C16orf46: variants seen among roughly 807,000 people sequenced by gnomAD.
C16orf46 encodes the protein chromosome 16 open reading frame 46, also known as uncharacterized protein C16orf46.
In C16orf46, 7 loss-of-function variants were observed where a neutral mutation model predicts 5.5. The ratio of observed to expected loss-of-function variants is 1.28; its 90% CI spans 0.73 to 2.40. The LOEUF (loss-of-function observed/expected upper bound fraction) is 2.40. C16orf46 is among the 30% of genes most tolerant of loss of function. The pLI is 0.00. For synonymous variants in C16orf46, 200 were observed against 184.1 expected, an observed-to-expected ratio of 1.09 and a Z score of -0.70; for missense variants, 614 against 476.0, an observed-to-expected ratio of 1.29 and a Z score of -2.70.
chr16:81,062,492 T>C (rs1294941658), intron 3 of C16orf46, among the ~76,000 whole-genome samples: 6 of 152,246 alleles, frequency 3.9e-5, no homozygotes, highest in African/African-American at 1.4e-4. Context: ...GCTGACTATA[T>C]TTCTTTTCAA....
At chr16:81,055,031 A>C (rs1971255517) in intron 3 of C16orf46, among the ~76,000 whole-genome samples, 1 of 152,232 alleles carries the variant, frequency 6.6e-6, no homozygotes, top group Non-Finnish European at 1.5e-5. Flanking sequence ...TTCAGAGTTA[A>C]AGTTCTCTAA....
rs533517428 is a variant in C16orf46 at position 81,063,774 on chromosome 16, A to C, written c.182T>G (p.Phe61Cys). Residue 61 changes from phenylalanine to cysteine, a missense_variant, in exon 3 of 4, where the codon TTT becomes TGT. Phe to Cys is a radical substitution (Grantham distance 205). Transcript: ENST00000299578. ...CTCTTCCCATCCAGTTCCAATAATAAACTCTTTGGCTTTTTCATCTTGTTC... is the reference window on the plus strand; with the variant it reads ...CTCTTCCCATCCAGTTCCAATAATACACTCTTTGGCTTTTTCATCTTGTTC... ...TLEQDEKAKE[F>C]IIGTGWEEAV... The C allele has an allele frequency of 5.6e-6, 9 of 1,613,898 alleles. No individual in the cohort carries two copies. In the South Asian group the frequency reaches 7.7e-5, roughly 14 times the overall value.
Position 81,061,143 on chromosome 16 carries a change from G to A in C16orf46, c.*18C>T. ...CATCTCAAACGGTGCTTATTCCCAGGGGTTCTACCGCAACCGCTCAGAGGA... is the reference window on the plus strand; with the variant it reads ...CATCTCAAACGGTGCTTATTCCCAGAGGTTCTACCGCAACCGCTCAGAGGA... On this transcript the variant is annotated 3_prime_UTR_variant, in exon 4 of 4. Coordinates refer to ENST00000299578, the MANE Select transcript of C16orf46 (RefSeq NM_152337.3). The A allele has an allele frequency of 6.4e-7, 1 of 1,563,392 alleles. No individual in the cohort carries two copies.
exon 4 of C16orf46, chr16:81,053,955 ACT>A: frequency 2.7e-6 from 3 of 1,110,632 alleles, no homozygotes; most frequent in African/African-American, 1.6e-5. Context: ...GCAGCGTTTG[ACT>A]CTCTGCTTTC....
At chr16:81,060,888 C>T, downstream of C16orf46, 1 of 945,238 alleles carries the variant, frequency 1.1e-6, no homozygotes, top group Non-Finnish European at 1.4e-6. Flanking sequence ...CTGGGGCTGG[C>T]AAGACCAATT....
In C16orf46 at chr16:81,053,893, G is replaced by C. The variant is rs1214490165; in HGVS notation, c.*178C>G. On this transcript the variant is annotated 3_prime_UTR_variant, in exon 4 of 4. Transcript: ENST00000378611. ...AAAGAGCGAGCCGATGACCATGGCAGGTGTAAATAAGACCTTGCTCCAAAC... is the reference window on the plus strand; with the variant it reads ...AAAGAGCGAGCCGATGACCATGGCACGTGTAAATAAGACCTTGCTCCAAAC... The C allele has an allele frequency of 5.5e-5, 33 of 598,610 alleles. 1 individual carries two copies. The East Asian group carries it at 9.2e-4, about 17-fold the overall frequency. 37.1% of individuals were successfully genotyped at this position (598,610 alleles called of 1,614,324 possible).
At chr16:81,056,924 G>A (rs116294588), downstream of C16orf46, among the ~76,000 whole-genome samples, 1,135 of 152,222 alleles carry the variant, frequency 7.5e-3, 9 homozygotes, top group African/African-American at 0.026. Context: ...CAGCAAAGGC[G>A]GTGGGCTCCA....
At chr16:81,068,763 A>G (rs1228278916) in intron 1 of C16orf46, among the ~76,000 whole-genome samples, 1 of 152,026 alleles carries the variant, frequency 6.6e-6, no homozygotes, top group Non-Finnish European at 1.5e-5. Flanking sequence ...GTGCAGTGCC[A>G]TGATTCCAGC....
intron 2 of C16orf46, among the ~76,000 whole-genome samples, chr16:81,065,332 G>C (rs886734345): frequency 1.3e-5 from 2 of 152,046 alleles, no homozygotes; most frequent in African/African-American, 4.8e-5. Context: ...AAGTTAGCCA[G>C]GTGTGGTGGT....
chr16:81,057,273 G>A (rs927274742), downstream of C16orf46, among the ~76,000 whole-genome samples: 1 of 152,180 alleles, frequency 6.6e-6, no homozygotes, highest in Non-Finnish European at 1.5e-5. Context: ...TTGGGGCAGG[G>A]CATGGTGGCT....
intron 1 of C16orf46, among the ~76,000 whole-genome samples, chr16:81,069,178 C>T (rs922645531): frequency 6.6e-6 from 1 of 152,144 alleles, no homozygotes; most frequent in Non-Finnish European, 1.5e-5. Flanking sequence ...TTGAAGAAGG[C>T]TGCAGTGGGT....
At chr16:81,060,085 GC>G (rs545006840), downstream of C16orf46, among the ~76,000 whole-genome samples, 18 of 152,130 alleles carry the variant, frequency 1.2e-4, no homozygotes, top group African/African-American at 4.3e-4. Context: ...ACGGCGCCCG[GC>G]CCCAAAAAGT....
chr16:81,069,285 C>G (rs958033533), intron 1 of C16orf46, among the ~76,000 whole-genome samples: 1 of 152,146 alleles, frequency 6.6e-6, no homozygotes. Flanking sequence ...AGCCCTATCT[C>G]TTTTCCAGTG....
intron 1 of C16orf46, among the ~76,000 whole-genome samples, chr16:81,068,174 G>A (rs944621287): frequency 6.6e-6 from 1 of 152,152 alleles, no homozygotes; most frequent in South Asian, 2.1e-4. Context: ...TTATACGTCC[G>A]GCAAAGTTAA....
chr16:81,065,592 T>C (rs1284425810), intron 2 of C16orf46, among the ~76,000 whole-genome samples: 1 of 151,366 alleles, frequency 6.6e-6, no homozygotes, highest in South Asian at 2.1e-4. Flanking sequence ...CCACCAAAGC[T>C]CTGGCTTGAG....
chr16:81,065,291 G>A (rs1367405103), intron 2 of C16orf46, among the ~76,000 whole-genome samples: 2 of 152,044 alleles, frequency 1.3e-5, no homozygotes, highest in Non-Finnish European at 2.9e-5. Context: ...GACCAACATG[G>A]TGAAACCCTA....
intron 1 of C16orf46, among the ~76,000 whole-genome samples, chr16:81,070,446 C>T (rs1212029881): frequency 6.6e-6 from 1 of 152,134 alleles, no homozygotes; most frequent in Non-Finnish European, 1.5e-5. Context: ...AATGAAGAGA[C>T]ACATAGGTCA....
At chr16:81,074,130 T>C (rs1275140938) in intron 1 of C16orf46, among the ~76,000 whole-genome samples, 2 of 152,376 alleles carry the variant, frequency 1.3e-5, no homozygotes, top group Non-Finnish European at 2.9e-5. Context: ...CAGTTCTTGG[T>C]ATTCTTCTCA....
intron 1 of C16orf46, among the ~76,000 whole-genome samples, chr16:81,071,484 C>T (rs574362278): frequency 1.3e-5 from 2 of 152,200 alleles, no homozygotes; most frequent in East Asian, 1.9e-4. Flanking sequence ...CAGTGGCTCA[C>T]GCCTGTAATC....
Sources: gnomAD v4.1 joint callset for allele counts (sites outside exome capture counted in the v4.1 genomes callset) on GRCh38, gnomAD v4.1.1 for gene constraint, MANE v1.5 for transcripts, NCBI Gene and HGNC (gene_info 2026-07-23, HGNC 2026-07-21) for gene names.